ATP2B1: variants seen among roughly 807,000 people sequenced by gnomAD.
ATP2B1 encodes the protein plasma membrane calcium-transporting ATPase 1.
Under a neutral mutation model 124.2 loss-of-function variants are expected in ATP2B1, and 14 were observed. The ratio of observed to expected loss-of-function variants is 0.11; its 90% CI spans 0.07 to 0.18. The LOEUF is 0.18. Among genes scored for constraint, ATP2B1 ranks in the 10% least tolerant of loss-of-function variants. ATP2B1 has a pLI of 1.00. For missense variants in ATP2B1, 763 were observed against 1,466.1 expected, an observed-to-expected ratio of 0.52 and a Z score of 7.83; for synonymous variants, 449 against 492.4, an observed-to-expected ratio of 0.91 and a Z score of 1.17.
At chr12:89,649,535 T>C (rs1001127067) in intron 2 of ATP2B1, among the ~76,000 whole-genome samples, 4 of 152,178 alleles carry the variant, frequency 2.6e-5, no homozygotes, top group Non-Finnish European at 5.9e-5. Flanking sequence ...TTGGAGTAAA[T>C]AGCTTGTTTT....
chr12:89,670,526 T>C (rs1253418995), intron 1 of ATP2B1, among the ~76,000 whole-genome samples: 1 of 152,096 alleles, frequency 6.6e-6, no homozygotes, highest in Non-Finnish European at 1.5e-5. Context: ...GTATGAAAGA[T>C]CCCGTCGTGC....
chr12:89,676,874 GTTA>G (rs1888673110), intron 1 of ATP2B1, among the ~76,000 whole-genome samples: 1 of 152,004 alleles, frequency 6.6e-6, no homozygotes, highest in Admixed American at 6.6e-5. Flanking sequence ...AGACTTTTTA[GTTA>G]TTATTATAGA....
intron 20 of ATP2B1, among the ~76,000 whole-genome samples, chr12:89,598,039 C>CAAA (rs10661138): frequency 0.52 from 31,515 of 60,582 alleles, 9,746 homozygotes; most frequent in South Asian, 0.62. Context: ...CACAACCAAG[C>CAAA]AAAAAAAAAA....
chr12:89,664,851 CTTTTT>C lies in ATP2B1; in HGVS notation c.-221-8749_-221-8745del, dbSNP rs71307587. 4.2e-5 allele frequency among the ~76,000 whole-genome samples: 6 copies of C among 142,832 alleles called. No homozygotes were observed. In the East Asian group the frequency reaches 1.2e-3, roughly 29 times the overall value. The allele number at this position is 142,832 out of a possible 152,430, so 93.7% of individuals were successfully genotyped here. On this transcript the variant is annotated intron_variant, in intron 1 of 20. Coordinates refer to ENST00000428670, the MANE Select transcript of ATP2B1 (RefSeq NM_001366521.1). The stretch of plus-strand genomic sequence containing the variant: ...ACTTATGGTTCTTTATTATGCTATT[CTTTTT>C]TTTTTTTTTTGAGACAGTGTCTCGC...
At chr12:89,689,205 C>CT (rs1369539053) in intron 1 of ATP2B1, among the ~76,000 whole-genome samples, 2 of 151,994 alleles carry the variant, frequency 1.3e-5, no homozygotes, top group Non-Finnish European at 2.9e-5. Flanking sequence ...ATACAAGCTA[C>CT]CCAGTTAAAT....
intron 3 of ATP2B1, 69 bp from the exon 4 acceptor site, chr12:89,635,320 C>T (rs1336679967): frequency 4.0e-6 from 6 of 1,484,084 alleles, no homozygotes; most frequent in Admixed American, 4.2e-5. Context: ...TATAGTACGT[C>T]TAAATCATAT....
Position 89,634,297 on chromosome 12 carries a change from A to G in ATP2B1, c.787+481T>C, listed in dbSNP as rs1003828082. Among the ~76,000 whole-genome samples, 21 of 152,326 alleles carry G rather than the reference A, an allele frequency of 1.4e-4. No homozygotes were observed. In the Middle Eastern group the frequency reaches 0.01, roughly 74 times the overall value. ...TTATATCTCAAACTCATTCTTCAGC[A>G]GTTAAAGGAGTTGGATTAGGTAAAC... On this transcript the variant is annotated intron_variant, in intron 5 of 20. Coordinates refer to ENST00000428670, the MANE Select transcript of ATP2B1 (RefSeq NM_001366521.1).
chr12:89,598,773 G>C (rs1353496451), intron 20 of ATP2B1: 1 of 1,612,420 alleles, frequency 6.2e-7, no homozygotes, highest in East Asian at 2.2e-5. Flanking sequence ...GTGACAGCTT[G>C]CTCAGCAAGA....
At position 89,642,410 on chromosome 12, in the gene ATP2B1, A is replaced by G. The variant is rs1332282399; in HGVS notation, c.209-55T>C. 33 of 1,486,952 alleles carry G rather than the reference A, an allele frequency of 2.2e-5. No individual in the cohort carries two copies. In the South Asian group the frequency reaches 3.6e-4, roughly 16 times the overall value. 92.1% of individuals were successfully genotyped at this position (1,486,952 alleles called of 1,614,324 possible). A position where few individuals can be genotyped will look rare whatever the true frequency, so the allele number is the denominator to read the frequency against. On this transcript the variant is annotated intron_variant, in intron 2 of 20. Transcript: ENST00000428670. The stretch of plus-strand genomic sequence containing the variant: ...AGTTTTACTTCTTACAAATGAAAAT[A>G]TATAGTTTTATTCAAAATACCTCAA...
chr12:89,644,628 G>A (rs1448631721), intron 2 of ATP2B1, among the ~76,000 whole-genome samples: 2 of 152,068 alleles, frequency 1.3e-5, no homozygotes, highest in African/African-American at 4.8e-5. Context: ...AGGCAGCAAT[G>A]GACTGCAGTA....
At chr12:89,668,328 T>C (rs1004671008) in intron 1 of ATP2B1, among the ~76,000 whole-genome samples, 6 of 152,264 alleles carry the variant, frequency 3.9e-5, no homozygotes, top group South Asian at 2.1e-4. Flanking sequence ...AAAATTTACA[T>C]TGCAAAAGAT....
intron 6 of ATP2B1, among the ~76,000 whole-genome samples, chr12:89,630,291 A>G (rs1195740903): frequency 6.6e-6 from 1 of 152,212 alleles, no homozygotes; most frequent in African/African-American, 2.4e-5. Context: ...AAGAATGCCA[A>G]TGGAAGTATT....
chr12:89,626,586 TTTCCATGGCTGCAC>T lies in ATP2B1; in HGVS notation c.983_996del (p.Gly328AspfsTer7), dbSNP rs764235717. The T allele has an allele frequency of 6.2e-7, 1 of 1,611,804 alleles. No homozygotes were observed. Among genetic ancestry groups the T allele is most frequent in the Non-Finnish European group, 8.5e-7 (1 of 1,179,398 alleles). On this transcript the variant is annotated frameshift_variant, in exon 8 of 21. Transcript: ENST00000428670. LOFTEE classifies it high-confidence loss of function. ...CCTTCTTCACTCTTCAATGGCTGCA[TTTCCATGGCTGCAC>T]CATCCTGGGCTTTTGCTACATTTAA...
intron 2 of ATP2B1, among the ~76,000 whole-genome samples, chr12:89,646,266 C>T (rs191032542): frequency 6.6e-4 from 100 of 152,204 alleles, no homozygotes; most frequent in African/African-American, 2.3e-3. Context: ...AGACAGCTGG[C>T]TATCCATATT....
chr12:89,659,713 G>C (rs948423663), intron 1 of ATP2B1, among the ~76,000 whole-genome samples: 1 of 152,004 alleles, frequency 6.6e-6, no homozygotes, highest in African/African-American at 2.4e-5. Flanking sequence ...ACGAGGTCAG[G>C]AGATCAAGAC....
At chr12:89,657,047 A>G (rs933502135) in intron 1 of ATP2B1, among the ~76,000 whole-genome samples, 3 of 152,192 alleles carry the variant, frequency 2.0e-5, no homozygotes, top group African/African-American at 7.2e-5. Context: ...CCTAAAGATA[A>G]GCTCTCCTCT....
intron 1 of ATP2B1, among the ~76,000 whole-genome samples, chr12:89,673,265 T>C (rs1334291750): frequency 2.0e-5 from 3 of 152,234 alleles, no homozygotes; most frequent in African/African-American, 7.2e-5. Context: ...AAATATTATA[T>C]GCAACATTTC....
chr12:89,652,368 A>C (rs1592868863), intron 2 of ATP2B1, among the ~76,000 whole-genome samples: 1 of 152,330 alleles, frequency 6.6e-6, no homozygotes, highest in East Asian at 1.9e-4. Flanking sequence ...AAGTATATAA[A>C]ACACAGGACA....
chr12:89,691,340 A>T (rs1890537357), intron 1 of ATP2B1, among the ~76,000 whole-genome samples: 1 of 152,102 alleles, frequency 6.6e-6, no homozygotes, highest in Non-Finnish European at 1.5e-5. Context: ...CTATAAGCCA[A>T]CTCCATTTTC....
Sources: allele counts gnomAD v4.1 joint callset (sites outside exome capture counted in the v4.1 genomes callset), GRCh38; gene constraint gnomAD v4.1.1; transcripts MANE v1.5; gene names NCBI Gene and HGNC (gene_info 2026-07-23, HGNC 2026-07-21).